Variants in MIER1 observed in about 807,000 individuals in gnomAD.
The protein encoded by MIER1 is MIER1 transcriptional regulator.
In MIER1, 40 loss-of-function variants were observed where a neutral mutation model predicts 75.7. The observed-to-expected ratio is 0.53, with a 90% CI of 0.41 to 0.69. MIER1 has a LOEUF of 0.69. Among genes scored for constraint, MIER1 ranks in the 30% least tolerant of loss-of-function variants. The probability of loss-of-function intolerance (pLI) is 0.00; values close to 1 mark genes in which losing one functional copy is unlikely to be tolerated. For synonymous variants in MIER1, 213 were observed against 223.4 expected (o/e 0.95, Z 0.42); for missense variants, 574 against 680.2 (o/e 0.84, Z 1.74).
At chr1:66,934,074 G>C (rs1195810873) in intron 2 of MIER1, among the ~76,000 whole-genome samples, 2 of 152,046 alleles carry the variant, frequency 1.3e-5, no homozygotes. Context: ...TATTATGTAG[G>C]TATGAAATTC....
rs1651155996 is a variant in MIER1, at chr1:66,925,085, C to G, written c.57C>G (p.Ser19Arg). Reference protein sequence around the residue: ...GGSSEGGGGSSGSGYGVVARF... With the variant: ...GGSSEGGGGSRGSGYGVVARF... ...GCAGCGAAGGTGGCGGCGGCAGCAG[C>G]GGCAGCGGCTGTAAGTGCAGCCTCC... is the stretch of plus-strand genomic sequence containing the variant. Residue 19 changes from serine (S) to arginine (R), a missense_variant, in exon 1 of 14, where the codon AGC (serine) becomes AGG (arginine). By Grantham distance (110) the Ser-to-Arg change is moderately radical. Coordinates refer to ENST00000401041, the MANE Select transcript of MIER1 (RefSeq NM_001077700.3). 1.3e-6 allele frequency: 2 copies of G among 1,546,770 alleles called. No homozygotes were observed. Among genetic ancestry groups the G allele is most frequent in the Admixed American group, 2.0e-5 (1 of 49,202 alleles).
At chr1:66,928,496 A>G (rs1267345654) in intron 2 of MIER1, among the ~76,000 whole-genome samples, 1 of 152,136 alleles carries the variant, frequency 6.6e-6, no homozygotes, top group Non-Finnish European at 1.5e-5. Context: ...ACCCTCCTTC[A>G]TCTCCATGGT....
chr1:66,975,249 C>T (rs747290597), intron 11 of MIER1, among the ~76,000 whole-genome samples: 14 of 152,182 alleles, frequency 9.2e-5, no homozygotes, highest in African/African-American at 2.2e-4. Context: ...TCAGTATTGC[C>T]GGTGCAGTGG....
Position 66,940,063 on chromosome 1 carries a change from T to C in MIER1, c.193+11T>C. The stretch of plus-strand genomic sequence containing the variant: ...AATCTTCAAGTCCAGGTAAGTATTT[T>C]CCATATTTTTTATAATCTCGATTTG... On this transcript the variant is annotated intron_variant, in intron 3 of 13. Coordinates refer to ENST00000401041, the MANE Select transcript of MIER1 (RefSeq NM_001077700.3). 1 of 1,598,804 alleles carries C rather than the reference T, an allele frequency of 6.3e-7. No individual in the cohort carries two copies. Among genetic ancestry groups the C allele is most frequent in the East Asian group, 2.2e-5 (1 of 44,614 alleles).
rs1347755044 is a variant in MIER1, at chr1:66,985,474, C to A, written c.*574C>A. 1 of 983,298 alleles carries A rather than the reference C, an allele frequency of 1.0e-6. No homozygotes were observed. The highest frequency in any genetic ancestry group is 1.1e-4 in the East Asian group (1 of 8,956). 60.9% of individuals were successfully genotyped at this position (983,298 alleles called of 1,614,324 possible). ...ATAGAAGTTTAAAAATAAACCAGGTCAGGTTTGTATATGTAAAATTGTTGA... is the reference window on the plus strand; with the variant it reads ...ATAGAAGTTTAAAAATAAACCAGGTAAGGTTTGTATATGTAAAATTGTTGA... On this transcript the variant is annotated 3_prime_UTR_variant, in exon 14 of 14. Coordinates refer to ENST00000401041, the MANE Select transcript of MIER1 (RefSeq NM_001077700.3).
intron 13 of MIER1, 118 bp downstream of exon 13, chr1:66,982,036 A>G: frequency 1.0e-6 from 1 of 966,348 alleles, no homozygotes; most frequent in East Asian, 2.5e-5. Flanking sequence ...AAAAAATGAT[A>G]ACACATGAGA....
intron 4 of MIER1, among the ~76,000 whole-genome samples, chr1:66,948,742 TA>T (rs1398816427): frequency 6.6e-6 from 1 of 152,066 alleles, no homozygotes; most frequent in Non-Finnish European, 1.5e-5. Flanking sequence ...AAAAATTTTT[TA>T]AAAAGGTTAA....
intron 10 of MIER1, among the ~76,000 whole-genome samples, chr1:66,971,985 G>A (rs538046833): frequency 6.6e-6 from 1 of 151,512 alleles, no homozygotes; most frequent in South Asian, 2.1e-4. Flanking sequence ...ATGCATTCAA[G>A]GCATATTTAT....
chr1:66,985,396 T>A lies in MIER1; in HGVS notation c.*496T>A, dbSNP rs1487188811. Reference sequence around the variant, plus strand: ...TCACCAAACAGTTTGAGTATCTTTATTAAGGAAACCCTTACGAATCCTGAA... The same window carrying A: ...TCACCAAACAGTTTGAGTATCTTTAATAAGGAAACCCTTACGAATCCTGAA... On this transcript the variant is annotated 3_prime_UTR_variant, in exon 14 of 14. Coordinates refer to ENST00000401041, the MANE Select transcript of MIER1 (RefSeq NM_001077700.3). The A allele has an allele frequency of 2.0e-6, 2 of 983,864 alleles. No homozygotes were observed. Among genetic ancestry groups the A allele is most frequent in the Non-Finnish European group, 2.4e-6 (2 of 828,482 alleles). 60.9% of individuals were successfully genotyped at this position (983,864 alleles called of 1,614,324 possible).
At chr1:66,977,763 T>C (rs189207531) in intron 12 of MIER1, among the ~76,000 whole-genome samples, 41 of 152,268 alleles carry the variant, frequency 2.7e-4, no homozygotes, top group African/African-American at 9.4e-4. Context: ...GAATTAACTT[T>C]ACAGTGCTAT....
intron 8 of MIER1, among the ~76,000 whole-genome samples, chr1:66,964,899 A>G (rs145166818): frequency 2.6e-4 from 39 of 151,986 alleles, no homozygotes; most frequent in Non-Finnish European, 5.0e-4. Flanking sequence ...TTTGTTGTTT[A>G]TTTCTTTTTA....
At chr1:66,979,366 T>C (rs1370155453) in intron 12 of MIER1, among the ~76,000 whole-genome samples, 1 of 152,210 alleles carries the variant, frequency 6.6e-6, no homozygotes, top group African/African-American at 2.4e-5. Context: ...AAATCCATAA[T>C]TCAGAGCACA....
intron 4 of MIER1, among the ~76,000 whole-genome samples, chr1:66,955,647 G>T (rs1240740131): frequency 6.6e-6 from 1 of 152,042 alleles, no homozygotes; most frequent in East Asian, 1.9e-4. Context: ...AAAATTAAAG[G>T]TAGTGGTTAA....
intron 2 of MIER1, among the ~76,000 whole-genome samples, chr1:66,933,000 A>G (rs781518220): frequency 2.0e-5 from 3 of 152,290 alleles, no homozygotes; most frequent in South Asian, 2.1e-4. Flanking sequence ...AATAGGAAGT[A>G]TATATTGGTT....
intron 8 of MIER1, among the ~76,000 whole-genome samples, chr1:66,963,998 T>G (rs918822157): frequency 2.6e-4 from 38 of 147,844 alleles, no homozygotes; most frequent in Middle Eastern, 3.5e-3. Context: ...ATTTTACATG[T>G]TTTTTTTTTT....
At chr1:66,961,013 A>G (rs1396128223) in intron 7 of MIER1, among the ~76,000 whole-genome samples, 1 of 152,012 alleles carries the variant, frequency 6.6e-6, no homozygotes, top group African/African-American at 2.4e-5. Flanking sequence ...TTTTTAAATG[A>G]AAGAACAAAA....
chr1:66,955,564 G>A (rs1659955099), intron 4 of MIER1, among the ~76,000 whole-genome samples: 1 of 151,938 alleles, frequency 6.6e-6, no homozygotes, highest in South Asian at 2.1e-4. Flanking sequence ...CTTGTCAGAA[G>A]ATGAGTTCAA....
In MIER1 at chr1:66,959,695, A is replaced by G; in HGVS notation, c.651A>G (p.Glu217=). Residue 217 remains glutamate (E), a synonymous_variant, in exon 7 of 14, where the codon GAA becomes GAG. Transcript: ENST00000401041. ...TTATTCTAGATAGTGAAGTAGAAGA[A>G]GAATCTGAAGAAGATGAAGATTATA... The part of the protein sequence containing the change: ...KYFDTNSEVE[E]ESEEDEDYIP... 7.0e-7 allele frequency: 1 copy of G among 1,428,592 alleles called. No individual in the cohort carries two copies. Among genetic ancestry groups the G allele is most frequent in the Non-Finnish European group, 9.4e-7 (1 of 1,060,882 alleles). 88.5% of individuals were successfully genotyped at this position (1,428,592 alleles called of 1,614,324 possible).
chr1:66,964,948 C>T (rs1002750193), intron 8 of MIER1, among the ~76,000 whole-genome samples: 1 of 152,032 alleles, frequency 6.6e-6, no homozygotes, highest in African/African-American at 2.4e-5. Context: ...TCTAAGTATG[C>T]ACCTACTCTC....
Sources: allele counts gnomAD v4.1 joint callset (sites outside exome capture counted in the v4.1 genomes callset), GRCh38; gene constraint gnomAD v4.1.1; transcripts MANE v1.5; gene names NCBI Gene and HGNC (gene_info 2026-07-23, HGNC 2026-07-21).